KCNQ3: variants seen among roughly 807,000 people sequenced by gnomAD.
KCNQ3 encodes potassium voltage-gated channel subfamily KQT member 3.
KCNQ3 carries 30 observed loss-of-function variants against 92.5 expected under a neutral mutation model. The ratio of observed to expected loss-of-function variants is 0.32; its 90% CI spans 0.24 to 0.44. KCNQ3 has a LOEUF of 0.44. Ranked by LOEUF, KCNQ3 falls within the 20% of genes least tolerant of loss-of-function variation. The pLI is 1.00. For missense variants in KCNQ3, 913 were observed against 1,140.3 expected (o/e 0.80, Z 2.87); for synonymous variants, 450 against 468.8 (o/e 0.96, Z 0.52).
intron 1 of KCNQ3, among the ~76,000 whole-genome samples, chr8:132,307,317 G>A (rs953981688): frequency 6.6e-6 from 1 of 152,206 alleles, no homozygotes; most frequent in Non-Finnish European, 1.5e-5. Flanking sequence ...TTAAAAGCAA[G>A]ACTGGCTCCT....
intron 1 of KCNQ3, among the ~76,000 whole-genome samples, chr8:132,189,358 T>C (rs536719169): frequency 5.3e-5 from 8 of 152,228 alleles, no homozygotes; most frequent in Non-Finnish European, 1.0e-4. Flanking sequence ...CGTTATCATC[T>C]TGTAATTGTT....
intron 1 of KCNQ3, among the ~76,000 whole-genome samples, chr8:132,464,932 T>C (rs1475155373): frequency 6.6e-6 from 1 of 152,240 alleles, no homozygotes; most frequent in African/African-American, 2.4e-5. Flanking sequence ...TCAGTCAGCA[T>C]GTCTTGAGTT....
Position 132,172,479 on chromosome 8 carries a change from T to G in KCNQ3, c.1140+119A>C, listed in dbSNP as rs1826406465. 1.6e-5 allele frequency: 14 copies of G among 893,678 alleles called. No individual in the cohort carries two copies. In the South Asian group the frequency reaches 1.8e-4, roughly 12 times the overall value. 55.4% of individuals were successfully genotyped at this position (893,678 alleles called of 1,614,324 possible). On this transcript the variant is annotated intron_variant, in intron 7 of 14. Coordinates refer to ENST00000388996, the MANE Select transcript of KCNQ3 (RefSeq NM_004519.4). ...GACACACATGGAATCCTGGGTCCTG[T>G]CCCAGTTCATGAGTATGTCCCCTCC...
chr8:132,255,346 G>A (rs1269628844), intron 1 of KCNQ3, among the ~76,000 whole-genome samples: 2 of 152,144 alleles, frequency 1.3e-5, no homozygotes, highest in Non-Finnish European at 2.9e-5. Flanking sequence ...TTCCCTCAGA[G>A]AAGTTTGTTG....
At chr8:132,343,012 G>C (rs1818579617) in intron 1 of KCNQ3, among the ~76,000 whole-genome samples, 1 of 152,140 alleles carries the variant, frequency 6.6e-6, no homozygotes, top group African/African-American at 2.4e-5. Flanking sequence ...TGGGCATTGT[G>C]AGCTTTCCTG....
intron 9 of KCNQ3, among the ~76,000 whole-genome samples, chr8:132,148,435 C>T (rs907043128): frequency 6.6e-6 from 1 of 152,124 alleles, no homozygotes; most frequent in African/African-American, 2.4e-5. Context: ...GGGGTTTCAC[C>T]GTGTTGCCAA....
At chr8:132,306,382 C>A (rs1817422493) in intron 1 of KCNQ3, among the ~76,000 whole-genome samples, 1 of 152,172 alleles carries the variant, frequency 6.6e-6, no homozygotes, top group African/African-American at 2.4e-5. Context: ...GCCAAAAAAT[C>A]ATCTACTGTC....
chr8:132,160,481 A>G (rs780849559), intron 9 of KCNQ3, among the ~76,000 whole-genome samples: 6 of 152,220 alleles, frequency 3.9e-5, no homozygotes, highest in African/African-American at 1.4e-4. Flanking sequence ...TACATCTTAC[A>G]CTTCAGGCAG....
chr8:132,299,479 A>G (rs1255489478), intron 1 of KCNQ3, among the ~76,000 whole-genome samples: 2 of 152,100 alleles, frequency 1.3e-5, no homozygotes, highest in East Asian at 3.8e-4. Context: ...CCCACGGGGG[A>G]TGTTTGCTAT....
At chr8:132,410,251 C>T (rs1424306760) in intron 1 of KCNQ3, among the ~76,000 whole-genome samples, 5 of 152,064 alleles carry the variant, frequency 3.3e-5, no homozygotes, top group Admixed American at 2.0e-4. Flanking sequence ...ACCACTAATT[C>T]GAAAAGCATG....
chr8:132,402,657 T>C (rs1011541341), intron 1 of KCNQ3, among the ~76,000 whole-genome samples: 10 of 152,150 alleles, frequency 6.6e-5, no homozygotes, highest in East Asian at 3.9e-4. Flanking sequence ...ATTATTCATT[T>C]GGCAAAACCC....
intron 1 of KCNQ3, among the ~76,000 whole-genome samples, chr8:132,359,703 A>G (rs1819113940): frequency 6.6e-6 from 1 of 152,188 alleles, no homozygotes; most frequent in Admixed American, 6.5e-5. Context: ...AGTAATGATG[A>G]CATTAGCATA....
intron 1 of KCNQ3, among the ~76,000 whole-genome samples, chr8:132,292,219 G>A (rs1404481124): frequency 6.6e-6 from 1 of 152,220 alleles, no homozygotes; most frequent in East Asian, 1.9e-4. Flanking sequence ...GACCTCAAGT[G>A]TCTTGATTTC....
chr8:132,404,426 G>C (rs148360619), intron 1 of KCNQ3, among the ~76,000 whole-genome samples: 1 of 152,178 alleles, frequency 6.6e-6, no homozygotes, highest in Non-Finnish European at 1.5e-5. Context: ...CTAATCAGAT[G>C]ATTTTAAGAA....
intron 1 of KCNQ3, among the ~76,000 whole-genome samples, chr8:132,221,251 T>C (rs1214587971): frequency 3.3e-5 from 5 of 152,212 alleles, no homozygotes; most frequent in African/African-American, 4.8e-5. Context: ...AGTCTTTCTA[T>C]TGTGAATAGT....
At chr8:132,203,459 C>T (rs1002542678) in intron 1 of KCNQ3, among the ~76,000 whole-genome samples, 1 of 152,176 alleles carries the variant, frequency 6.6e-6, no homozygotes, top group African/African-American at 2.4e-5. Context: ...AATAAAGTGT[C>T]TACCTCATAA....
chr8:132,221,667 G>T (rs1220900814), intron 1 of KCNQ3, among the ~76,000 whole-genome samples: 4 of 151,846 alleles, frequency 2.6e-5, no homozygotes, highest in Admixed American at 2.6e-4. Flanking sequence ...GGGGTTGTTT[G>T]TTTTTTTCTT....
intron 1 of KCNQ3, among the ~76,000 whole-genome samples, chr8:132,439,345 A>G (rs1821474171): frequency 6.6e-6 from 1 of 152,088 alleles, no homozygotes; most frequent in South Asian, 2.1e-4. Flanking sequence ...AGAGATGAAG[A>G]GCCACAGTCT....
Position 132,292,480 on chromosome 8 carries a change from C to T in KCNQ3, c.387-106299G>A, listed in dbSNP as rs77526479. 2.0e-5 allele frequency among the ~76,000 whole-genome samples: 3 copies of T among 152,156 alleles called. No individual in the cohort carries two copies. The East Asian group carries it at 5.8e-4, about 29-fold the overall frequency. ...GGAATCTGACCACAGAGATTAAGCA[C>T]ATTACAAATGTTTGTGGGTGGATAT... On this transcript the variant is annotated intron_variant, in intron 1 of 14. Transcript: ENST00000388996.
Sources: allele counts gnomAD v4.1 joint callset (sites outside exome capture counted in the v4.1 genomes callset), GRCh38; gene constraint gnomAD v4.1.1; transcripts MANE v1.5; gene names NCBI Gene and HGNC (gene_info 2026-07-23, HGNC 2026-07-21).